The following CACNA2D3 variants were observed in gnomAD, a reference collection of about 807,000 sequenced individuals.
CACNA2D3 encodes calcium voltage-gated channel auxiliary subunit alpha2delta 3.
A neutral mutation model predicts 160.6 loss-of-function variants in CACNA2D3; 60 were observed. That is an observed-to-expected ratio of 0.37 (90% CI 0.30 to 0.46). The LOEUF (loss-of-function observed/expected upper bound fraction) is 0.46. CACNA2D3 is among the 20% of genes least tolerant of loss of function. The pLI, the probability that CACNA2D3 is intolerant of heterozygous loss-of-function variation, is 1.00. For synonymous variants in CACNA2D3, 558 were observed against 492.9 expected (o/e 1.13, Z -1.75); for missense variants, 1,205 against 1,365.0 (o/e 0.88, Z 1.85).
intron 9 of CACNA2D3, among the ~76,000 whole-genome samples, chr3:54,621,752 G>C (rs1464943875): frequency 3.9e-5 from 6 of 152,178 alleles, no homozygotes; most frequent in Non-Finnish European, 7.3e-5. Context: ...ATCCATTTGA[G>C]AAAACCTGGC....
At chr3:54,172,347 G>T (rs539478263) in intron 2 of CACNA2D3, among the ~76,000 whole-genome samples, 13 of 152,346 alleles carry the variant, frequency 8.5e-5, no homozygotes, top group African/African-American at 3.1e-4. Flanking sequence ...CAGCACTGCT[G>T]CAAGCTGCTT....
chr3:54,191,255 G>A (rs565855013), intron 2 of CACNA2D3, among the ~76,000 whole-genome samples: 1 of 152,220 alleles, frequency 6.6e-6, no homozygotes, highest in African/African-American at 2.4e-5. Flanking sequence ...TCAACAAGCA[G>A]GGACAGTGTT....
At chr3:54,651,412 TC>T (rs1197316588) in intron 11 of CACNA2D3, among the ~76,000 whole-genome samples, 2 of 136,806 alleles carry the variant, frequency 1.5e-5, no homozygotes, top group Non-Finnish European at 3.2e-5. Flanking sequence ...CGTTTTATCT[TC>T]AGTTATCTCG....
chr3:54,199,140 A>G (rs1013597815), intron 2 of CACNA2D3, among the ~76,000 whole-genome samples: 1 of 152,094 alleles, frequency 6.6e-6, no homozygotes, highest in Non-Finnish European at 1.5e-5. Flanking sequence ...AACAATTTTT[A>G]TTTTATTACA....
At chr3:54,894,318 G>T (rs904094771) in intron 25 of CACNA2D3, among the ~76,000 whole-genome samples, 2 of 152,132 alleles carry the variant, frequency 1.3e-5, no homozygotes, top group African/African-American at 4.8e-5. Context: ...CAGTCCTTTC[G>T]CAGTGACACC....
At chr3:54,416,440 T>C (rs954924867) in intron 4 of CACNA2D3, among the ~76,000 whole-genome samples, 13 of 152,152 alleles carry the variant, frequency 8.5e-5, no homozygotes, top group Admixed American at 8.5e-4. Context: ...TAGTAGCATG[T>C]CCACAAATGT....
chr3:54,150,724 A>C (rs1700132632), intron 2 of CACNA2D3, among the ~76,000 whole-genome samples: 1 of 152,272 alleles, frequency 6.6e-6, no homozygotes, highest in Non-Finnish European at 1.5e-5. Context: ...ACTAGAGAGG[A>C]ATAAACAAAA....
chr3:54,223,625 G>C (rs1701614628), intron 2 of CACNA2D3, among the ~76,000 whole-genome samples: 1 of 152,048 alleles, frequency 6.6e-6, no homozygotes, highest in African/African-American at 2.4e-5. Flanking sequence ...GGAGGCCAAG[G>C]TGGGCAGATC....
intron 11 of CACNA2D3, among the ~76,000 whole-genome samples, chr3:54,743,500 G>A (rs909274597): frequency 5.3e-5 from 8 of 152,156 alleles, no homozygotes; most frequent in Non-Finnish European, 7.4e-5. Flanking sequence ...TGTATTCCAA[G>A]TACAATGGGA....
intron 2 of CACNA2D3, among the ~76,000 whole-genome samples, chr3:54,279,841 A>T (rs1702830001): frequency 6.6e-6 from 1 of 152,152 alleles, no homozygotes; most frequent in Non-Finnish European, 1.5e-5. Flanking sequence ...GTAGACTGTG[A>T]TCAGCATAGG....
chr3:54,471,183 A>G (rs1429525223), intron 4 of CACNA2D3, among the ~76,000 whole-genome samples: 2 of 152,196 alleles, frequency 1.3e-5, no homozygotes, highest in Non-Finnish European at 2.9e-5. Context: ...CAGCAAATGC[A>G]AAAGAACAGA....
At chr3:54,148,265 C>T (rs1363839621) in intron 2 of CACNA2D3, among the ~76,000 whole-genome samples, 1 of 152,208 alleles carries the variant, frequency 6.6e-6, no homozygotes, top group African/African-American at 2.4e-5. Flanking sequence ...TTGAAGGGCT[C>T]ACAATGTGGA....
Position 54,885,600 on chromosome 3 carries a change from CA to C in CACNA2D3, c.2056+18del, listed in dbSNP as rs1396519129. ...CTCTGCTCCAGTGTGAGTATGCTTT[CA>C]AAAGTGTGCTGTGCCTTCAGGGGTG... is the stretch of plus-strand genomic sequence containing the variant. On this transcript the variant is annotated intron_variant, in intron 23 of 37. Transcript: ENST00000474759. 1 of 1,596,966 alleles carries C rather than the reference CA, an allele frequency of 6.3e-7. No individual in the cohort carries two copies. Among genetic ancestry groups the C allele is most frequent in the Non-Finnish European group, 8.6e-7 (1 of 1,166,624 alleles).
chr3:54,166,025 C>T (rs1387469487), intron 2 of CACNA2D3, among the ~76,000 whole-genome samples: 1 of 152,018 alleles, frequency 6.6e-6, no homozygotes, highest in Non-Finnish European at 1.5e-5. Flanking sequence ...AGAGAGGAGC[C>T]CAGACATGGG....
At chr3:54,640,229 G>A (rs1699485738) in intron 10 of CACNA2D3, among the ~76,000 whole-genome samples, 1 of 152,180 alleles carries the variant, frequency 6.6e-6, no homozygotes, top group South Asian at 2.1e-4. Flanking sequence ...ACGAAGCTAA[G>A]TGAGGGAAGA....
chr3:54,167,412 G>A (rs1700480158), intron 2 of CACNA2D3, among the ~76,000 whole-genome samples: 1 of 152,122 alleles, frequency 6.6e-6, no homozygotes, highest in African/African-American at 2.4e-5. Context: ...GCATCTTCCA[G>A]CGGGTTCCTT....
chr3:54,439,863 C>T (rs1700116633), intron 4 of CACNA2D3, among the ~76,000 whole-genome samples: 1 of 152,166 alleles, frequency 6.6e-6, no homozygotes, highest in East Asian at 1.9e-4. Flanking sequence ...CCTCCCTGCC[C>T]CACAACTGTC....
At chr3:54,197,821 T>A (rs888298380) in intron 2 of CACNA2D3, among the ~76,000 whole-genome samples, 1 of 152,152 alleles carries the variant, frequency 6.6e-6, no homozygotes, top group African/African-American at 2.4e-5. Context: ...CATTTTTTGG[T>A]TTTCTGCACG....
chr3:55,045,351 A>C (rs1704052589), intron 35 of CACNA2D3, among the ~76,000 whole-genome samples: 1 of 152,186 alleles, frequency 6.6e-6, no homozygotes, highest in South Asian at 2.1e-4. Context: ...CGTCAAGCCT[A>C]TAGTGGTCTT....
Sources: allele counts gnomAD v4.1 joint callset (sites outside exome capture counted in the v4.1 genomes callset), GRCh38; gene constraint gnomAD v4.1.1; transcripts MANE v1.5; gene names NCBI Gene and HGNC (gene_info 2026-07-23, HGNC 2026-07-21).